Variants in CSF3R observed in about 807,000 individuals in gnomAD.
CSF3R encodes colony stimulating factor 3 receptor.
In CSF3R, 52 loss-of-function variants were observed where a neutral mutation model predicts 84.4. The observed-to-expected ratio is 0.62, with a 90% CI of 0.49 to 0.78. The LOEUF (loss-of-function observed/expected upper bound fraction) is 0.78. Among genes scored for constraint, CSF3R ranks in the 30% least tolerant of loss-of-function variants. The pLI is 0.00. For synonymous variants in CSF3R, 384 were observed against 429.1 expected, an observed-to-expected ratio of 0.89 and a Z score of 1.30; for missense variants, 890 against 1,055.7, an observed-to-expected ratio of 0.84 and a Z score of 2.17.
intron 1 of CSF3R, among the ~76,000 whole-genome samples, chr1:36,482,288 C>T (rs1422220159): frequency 7.4e-6 from 1 of 135,306 alleles, no homozygotes; most frequent in Admixed American, 7.5e-5. Flanking sequence ...CCAATGTACG[C>T]CGACCCAGAG....
Position 36,472,740 on chromosome 1 carries a change from G to T in CSF3R, c.674-54C>A. 6.1e-6 allele frequency: 9 copies of T among 1,477,088 alleles called. No homozygotes were observed. Among genetic ancestry groups the T allele is most frequent in the Non-Finnish European group, 8.1e-6 (9 of 1,110,454 alleles). 91.5% of individuals were successfully genotyped at this position (1,477,088 alleles called of 1,614,324 possible). A position where few individuals can be genotyped will look rare whatever the true frequency, so the allele number is the denominator to read the frequency against. ...TCCCTATCCCACCCTAGAGGGCTCT[G>T]CCTTAGCTCCCTCTTGTCTCCCTGT... On this transcript the variant is annotated intron_variant, in intron 6 of 16. Transcript: ENST00000373106. The surrounding 1 kb of genome is among the most constrained non-coding windows in gnomAD (Gnocchi z 5.0).
At chr1:36,468,038 C>T in intron 13 of CSF3R, 37 bp downstream of exon 13, 1 of 1,614,242 alleles carries the variant, frequency 6.2e-7, no homozygotes, top group Non-Finnish European at 8.5e-7. Flanking sequence ...CCCTTCCAGG[C>T]CTTCTGGGGC....
At chr1:36,479,248 GGGT>G in intron 3 of CSF3R, 182 bp downstream of exon 3, 1 of 693,532 alleles carries the variant, frequency 1.4e-6, no homozygotes, top group East Asian at 2.7e-5. Context: ...CATTCCTCTT[GGGT>G]GGTGGTTTGC....
intron 3 of CSF3R, chr1:36,479,038 A>G (rs1651356656): frequency 5.8e-6 from 2 of 344,038 alleles, no homozygotes; most frequent in Non-Finnish European, 1.1e-5. Flanking sequence ...CAGAGTTTCC[A>G]TGGTTGGAAA....
chr1:36,466,290 C>T lies in CSF3R; in HGVS notation c.*67G>A, dbSNP rs1650303186. On this transcript the variant is annotated 3_prime_UTR_variant, in exon 17 of 17. Transcript: ENST00000373106. The surrounding 1 kb of genome is among the most constrained non-coding windows in gnomAD (Gnocchi z 4.6). Reference sequence around the variant, plus strand: ...AGTTTTTAGTCATGGGCTTATGGACCCTCCCCTCTTCTCCAGCTAGCTCAG... The same window carrying T: ...AGTTTTTAGTCATGGGCTTATGGACTCTCCCCTCTTCTCCAGCTAGCTCAG... 2 of 1,611,424 alleles carry T rather than the reference C, an allele frequency of 1.2e-6. No homozygotes were observed. The highest frequency in any genetic ancestry group is 2.2e-5 in the East Asian group (1 of 44,816).
Position 36,467,432 on chromosome 1 carries a change from G to C in CSF3R, c.1959-121C>G. 2 of 1,402,862 alleles carry C rather than the reference G, an allele frequency of 1.4e-6. No homozygotes were observed. Among genetic ancestry groups the C allele is most frequent in the African/African-American group, 1.4e-5 (1 of 70,688 alleles). 86.9% of individuals were successfully genotyped at this position (1,402,862 alleles called of 1,614,324 possible). On this transcript the variant is annotated intron_variant, in intron 15 of 16. Transcript: ENST00000373106. The surrounding 1 kb of genome is among the most constrained non-coding windows in gnomAD (Gnocchi z 4.1). ...TTAGTGCAGAGAGAAGAAGCTGGGG[G>C]CTGGGACTCTCAGACATGGGCCCCA...
At chr1:36,481,272 C>T (rs951141522) in intron 2 of CSF3R, among the ~76,000 whole-genome samples, 4 of 152,266 alleles carry the variant, frequency 2.6e-5, no homozygotes, top group Non-Finnish European at 5.9e-5. Flanking sequence ...GAGGCCCCGG[C>T]ATCCTTCCCC....
Position 36,467,855 on chromosome 1 carries a change from T to C in CSF3R, c.1831A>G (p.Ser611Gly). 1 of 1,614,242 alleles carries C rather than the reference T, an allele frequency of 6.2e-7. No individual in the cohort carries two copies. Among genetic ancestry groups the C allele is most frequent in the Non-Finnish European group, 8.5e-7 (1 of 1,180,044 alleles). Residue 611 changes from serine to glycine, a missense_variant, in exon 14 of 17, where the codon AGT becomes GGT. Physicochemically the swap from Ser to Gly is moderately conservative, Grantham distance 56. Coordinates refer to ENST00000373106, the MANE Select transcript of CSF3R (RefSeq NM_000760.4). This position sits in a 1 kb window ranked among gnomAD's most constrained non-coding sequence, Gnocchi z 4.1. The stretch of plus-strand genomic sequence containing the variant: ...AAGGTCATCAGGGTGAGGACTGTAC[T>C]GTTGGTGGCCCCAGCCTGGCTGGCA... ...MAASQAGATN[S>G]TVLTLMTLTP...
At chr1:36,470,805 G>C (rs1650663793) in intron 10 of CSF3R, among the ~76,000 whole-genome samples, 1 of 151,610 alleles carries the variant, frequency 6.6e-6, no homozygotes, top group Non-Finnish European at 1.5e-5. Flanking sequence ...AGAATGGGCT[G>C]TGAGTGTGTG....
rs753742208 is a variant in CSF3R at position 36,469,774 on chromosome 1, G to T, written c.1352C>A (p.Pro451His). Residue 451 changes from proline to histidine, a missense_variant, in exon 11 of 17, where the codon CCC becomes CAC. Pro to His is a moderately conservative substitution (Grantham distance 77, BLOSUM62 -2). Coordinates refer to ENST00000373106, the MANE Select transcript of CSF3R (RefSeq NM_000760.4). ...DPHSLWVGWEPPNPWPQGYVI... is the reference protein window; with the variant it reads ...DPHSLWVGWEHPNPWPQGYVI... ...ATAGCCCTGAGGCCATGGATTGGGG[G>T]GCTCCCAGCCTACCCAGAGGCTGTG... The T allele has an allele frequency of 4.3e-6, 7 of 1,614,054 alleles. No homozygotes were observed. Among genetic ancestry groups the T allele is most frequent in the Non-Finnish European group, 5.9e-6 (7 of 1,180,042 alleles).
intron 9 of CSF3R, 154 bp from the exon 10 acceptor site, chr1:36,471,800 G>T: frequency 1.3e-6 from 1 of 787,264 alleles, no homozygotes; most frequent in Non-Finnish European, 2.0e-6. Context: ...CTGTTCCCTT[G>T]TGCTAGGTTC....
rs751225562 is a variant in CSF3R at position 36,471,640 on chromosome 1, G to T, written c.1078C>A (p.Pro360Thr). 4 of 1,614,024 alleles carry T rather than the reference G, an allele frequency of 2.5e-6. No individual in the cohort carries two copies. The highest frequency in any genetic ancestry group is 1.1e-5 in the South Asian group (1 of 91,080). ...RTVQLFWKPVPLEEDSGRIQG... is the reference protein window; with the variant it reads ...RTVQLFWKPVTLEEDSGRIQG... Reference sequence around the variant, plus strand: ...ATCCGTCCGCTGTCTTCCTCCAGGGGCACTGGCTGTGGGGCACAGGAGGAA... The same window carrying T: ...ATCCGTCCGCTGTCTTCCTCCAGGGTCACTGGCTGTGGGGCACAGGAGGAA... The change falls in exon 10 of 17, where the codon CCC (proline) becomes ACC (threonine). Residue 360 changes from proline (P) to threonine (T), a missense_variant. Physicochemically the swap from Pro to Thr is conservative, Grantham distance 38. Transcript: ENST00000373106.
chr1:36,479,690 A>G (rs1428329702), intron 2 of CSF3R, among the ~76,000 whole-genome samples, 174 bp from the exon 3 acceptor site: 1 of 140,080 alleles, frequency 7.1e-6, no homozygotes, highest in Non-Finnish European at 1.6e-5. Flanking sequence ...AGGAAGACAC[A>G]AAATGATGCA....
chr1:36,472,712 G>C lies in CSF3R; in HGVS notation c.674-26C>G. ...CTGCAAGGAGTGGGGCTGTCAGAAG[G>C]TCTCCCTATCCCACCCTAGAGGGCT... On this transcript the variant is annotated intron_variant, in intron 6 of 16. Coordinates refer to ENST00000373106, the MANE Select transcript of CSF3R (RefSeq NM_000760.4). The surrounding 1 kb of genome is among the most constrained non-coding windows in gnomAD (Gnocchi z 5.0). 6.4e-7 allele frequency: 1 copy of C among 1,560,958 alleles called. No homozygotes were observed.
intron 6 of CSF3R, chr1:36,473,100 T>TC (rs1334375697): frequency 2.2e-5 from 9 of 406,082 alleles, no homozygotes; most frequent in Admixed American, 8.5e-5. Context: ...TATCTTATTT[T>TC]CCCCCCCACT....
At chr1:36,470,988 G>A (rs1284266269) in intron 10 of CSF3R, among the ~76,000 whole-genome samples, 1 of 152,146 alleles carries the variant, frequency 6.6e-6, no homozygotes, top group African/African-American at 2.4e-5. Context: ...ACAGAGGCCG[G>A]GGATGGGAGG....
intron 12 of CSF3R, chr1:36,468,590 G>A (rs1650497944): frequency 4.6e-6 from 1 of 218,264 alleles, no homozygotes; most frequent in African/African-American, 2.3e-5. Context: ...CTGGAGTGCA[G>A]TGGCGCCATC....
chr1:36,480,529 A>G (rs1039319032), intron 2 of CSF3R, among the ~76,000 whole-genome samples: 1 of 151,850 alleles, frequency 6.6e-6, no homozygotes, highest in African/African-American at 2.4e-5. Flanking sequence ...CCTCATCTTC[A>G]CCCTGCTCCC....
In CSF3R at chr1:36,467,174, C is replaced by T; in HGVS notation, c.2040+56G>A. 1 of 1,579,364 alleles carries T rather than the reference C, an allele frequency of 6.3e-7. No homozygotes were observed. The highest frequency in any genetic ancestry group is 1.7e-4 in the Middle Eastern group (1 of 6,002). On this transcript the variant is annotated intron_variant, in intron 16 of 16. Coordinates refer to ENST00000373106, the MANE Select transcript of CSF3R (RefSeq NM_000760.4). The surrounding 1 kb of genome is among the most constrained non-coding windows in gnomAD (Gnocchi z 4.1). Reference sequence around the variant, plus strand: ...TACTTGGCTTCAGAAGGTGTCCCTTCACTGAGCCTGGGCCGACATCCCCAT... The same window carrying T: ...TACTTGGCTTCAGAAGGTGTCCCTTTACTGAGCCTGGGCCGACATCCCCAT...
Sources: gnomAD v4.1 joint callset for allele counts (sites outside exome capture counted in the v4.1 genomes callset) on GRCh38, gnomAD v4.1.1 for gene constraint, Gnocchi (gnomAD v3.1) non-coding constraint, MANE v1.5 for transcripts, NCBI Gene and HGNC (gene_info 2026-07-23, HGNC 2026-07-21) for gene names.